NCKAP5: variants seen among roughly 807,000 people sequenced by gnomAD.
The protein encoded by NCKAP5 is NCK associated protein 5, also known as nck-associated protein 5.
A neutral mutation model predicts 167.0 loss-of-function variants in NCKAP5; 92 were observed. That is an observed-to-expected ratio of 0.55 (90% CI 0.47 to 0.66). NCKAP5 has a LOEUF of 0.66. Ranked by LOEUF, NCKAP5 falls within the 30% of genes least tolerant of loss-of-function variation. NCKAP5 has a pLI of 0.00. For synonymous variants in NCKAP5, 891 were observed against 877.4 expected (o/e 1.02, Z -0.27); for missense variants, 2,378 against 2,315.0 (o/e 1.03, Z -0.56).
intron 11 of NCKAP5, among the ~76,000 whole-genome samples, chr2:132,812,250 T>C (rs1205160042): frequency 6.6e-6 from 1 of 152,220 alleles, no homozygotes; most frequent in Non-Finnish European, 1.5e-5. Context: ...CATGCTGCCT[T>C]GTCTGGAGCT....
intron 4 of NCKAP5, among the ~76,000 whole-genome samples, chr2:133,256,735 T>C (rs1293208165): frequency 2.0e-5 from 3 of 152,222 alleles, no homozygotes; most frequent in Admixed American, 1.3e-4. Flanking sequence ...GTACAGTCAA[T>C]AGTTTAAAAC....
the NCKAP5 span, among the ~76,000 whole-genome samples, chr2:133,581,752 G>A: frequency 2.0e-5 from 3 of 152,044 alleles, no homozygotes; most frequent in Non-Finnish European, 4.4e-5. Flanking sequence ...ACATGCCCCT[G>A]GAAATATAAG....
intron 11 of NCKAP5, among the ~76,000 whole-genome samples, chr2:132,850,935 G>A (rs905888176): frequency 3.9e-5 from 6 of 151,942 alleles, no homozygotes; most frequent in African/African-American, 1.2e-4. Context: ...TTCCTATCAG[G>A]GTCTGTGACA....
At chr2:133,277,313 T>G (rs2089769315) in intron 4 of NCKAP5, among the ~76,000 whole-genome samples, 1 of 152,156 alleles carries the variant, frequency 6.6e-6, no homozygotes, top group Admixed American at 6.5e-5. Flanking sequence ...CTTGATAAAA[T>G]TTAGATTCAG....
intron 3 of NCKAP5, among the ~76,000 whole-genome samples, chr2:133,437,001 T>C (rs1174380726): frequency 6.6e-6 from 1 of 152,146 alleles, no homozygotes; most frequent in Non-Finnish European, 1.5e-5. Context: ...TATTTTTCAT[T>C]GGGATCTCAG....
chr2:133,085,926 C>G (rs888475883), intron 6 of NCKAP5, among the ~76,000 whole-genome samples: 5 of 152,088 alleles, frequency 3.3e-5, no homozygotes, highest in African/African-American at 7.2e-5. Context: ...TAAGGGTCCC[C>G]CAACATGCAC....
At chr2:132,731,650 G>T (rs1574020846) in intron 17 of NCKAP5, 87 bp downstream of exon 17, 1 of 1,381,320 alleles carries the variant, frequency 7.2e-7, no homozygotes, top group Non-Finnish European at 9.8e-7. Context: ...TATCAGGCAG[G>T]TCACTGACTT....
At chr2:133,476,028 C>T (rs1679853179) in intron 3 of NCKAP5, among the ~76,000 whole-genome samples, 1 of 152,182 alleles carries the variant, frequency 6.6e-6, no homozygotes, top group African/African-American at 2.4e-5. Flanking sequence ...AGAAGTCAAA[C>T]CAGAAGATTC....
intron 8 of NCKAP5, among the ~76,000 whole-genome samples, chr2:132,940,085 T>A (rs1456355531): frequency 1.3e-5 from 2 of 152,188 alleles, no homozygotes; most frequent in Non-Finnish European, 2.9e-5. Context: ...TATATCATTC[T>A]TATGCCTTTG....
At chr2:133,431,806 C>T (rs955487083) in intron 3 of NCKAP5, 2 of 152,144 alleles carry the variant, frequency 1.3e-5, no homozygotes, top group African/African-American at 4.8e-5. Context: ...AAAAACACAA[C>T]TTCTTTTATC....
At chr2:132,844,948 G>T (rs568571064) in intron 11 of NCKAP5, among the ~76,000 whole-genome samples, 2 of 152,170 alleles carry the variant, frequency 1.3e-5, no homozygotes, top group East Asian at 3.9e-4. Context: ...TGAGTAGAGG[G>T]TACTTCAAAA....
At chr2:133,351,322 C>A (rs1057395538) in intron 3 of NCKAP5, among the ~76,000 whole-genome samples, 1 of 152,136 alleles carries the variant, frequency 6.6e-6, no homozygotes, top group Non-Finnish European at 1.5e-5. Context: ...TGGAATGAGA[C>A]GGGCCCAAGT....
upstream of NCKAP5, among the ~76,000 whole-genome samples, chr2:133,570,140 G>A (rs978097): frequency 0.3 from 46,008 of 152,000 alleles, 7,340 homozygotes; most frequent in South Asian, 0.4. Flanking sequence ...AAGGTGCAGC[G>A]TAGAAGGTGG....
chr2:133,023,228 C>T (rs2078586531), intron 6 of NCKAP5, among the ~76,000 whole-genome samples: 1 of 152,208 alleles, frequency 6.6e-6, no homozygotes, highest in Non-Finnish European at 1.5e-5. Flanking sequence ...GTACAAGCAC[C>T]AAGTGTTAAA....
At chr2:133,278,861 C>A (rs558362417) in intron 4 of NCKAP5, among the ~76,000 whole-genome samples, 1 of 150,588 alleles carries the variant, frequency 6.6e-6, no homozygotes, top group South Asian at 2.1e-4. Flanking sequence ...TAGTCATGGG[C>A]AAACAATTCA....
At chr2:133,166,919 G>A (rs2149970289) in intron 5 of NCKAP5, among the ~76,000 whole-genome samples, 1 of 152,208 alleles carries the variant, frequency 6.6e-6, no homozygotes, top group Admixed American at 6.5e-5. Context: ...TTTATGATCA[G>A]CAGGCTACAT....
intron 19 of NCKAP5, among the ~76,000 whole-genome samples, chr2:132,705,335 A>C (rs1053939003): frequency 6.6e-6 from 1 of 152,164 alleles, no homozygotes. Flanking sequence ...TGAAAGATTT[A>C]TATATACTTA....
At chr2:133,314,861 A>G (rs1681486438) in intron 3 of NCKAP5, among the ~76,000 whole-genome samples, 1 of 152,156 alleles carries the variant, frequency 6.6e-6, no homozygotes, top group Non-Finnish European at 1.5e-5. Flanking sequence ...TTGAGCAAAC[A>G]CCTAAAGGAA....
chr2:132,769,942 T>C (rs1574141756), intron 16 of NCKAP5, among the ~76,000 whole-genome samples: 1 of 152,334 alleles, frequency 6.6e-6, no homozygotes, highest in Non-Finnish European at 1.5e-5. Context: ...ATAGATACAA[T>C]GAGCCAATAT....
Sources: allele counts gnomAD v4.1 joint callset (sites outside exome capture counted in the v4.1 genomes callset), GRCh38; gene constraint gnomAD v4.1.1; transcripts MANE v1.5; gene names NCBI Gene and HGNC (gene_info 2026-07-23, HGNC 2026-07-21).